The following BCAS3 variants were observed in gnomAD, a reference collection of about 807,000 sequenced individuals.
BCAS3 encodes BCAS4/BCAS3 fusion.
In BCAS3, 53 loss-of-function variants were observed where a neutral mutation model predicts 116.1. That is an observed-to-expected ratio of 0.46 (90% confidence interval 0.37 to 0.57). BCAS3 has a LOEUF of 0.57. Among genes scored for constraint, BCAS3 ranks in the 20% least tolerant of loss-of-function variants. The probability of loss-of-function intolerance (pLI) is 0.00; values close to 1 mark genes in which losing one functional copy is unlikely to be tolerated. For missense variants in BCAS3, 917 were observed against 1,165.4 expected (o/e 0.79, Z 3.10); for synonymous variants, 391 against 408.2 (o/e 0.96, Z 0.51).
At chr17:61,311,928 C>G (rs1388113299) in intron 22 of BCAS3, among the ~76,000 whole-genome samples, 1 of 152,056 alleles carries the variant, frequency 6.6e-6, no homozygotes, top group African/African-American at 2.4e-5. Flanking sequence ...CAGAAAGGAT[C>G]TTGGCACCCT....
chr17:61,002,303 G>A (rs1233073466), intron 15 of BCAS3, among the ~76,000 whole-genome samples: 1 of 152,050 alleles, frequency 6.6e-6, no homozygotes, highest in Non-Finnish European at 1.5e-5. Context: ...GCCAGATGAT[G>A]TAGTTATCCC....
At chr17:60,731,675 T>C (rs1310866906) in intron 5 of BCAS3, among the ~76,000 whole-genome samples, 1 of 152,132 alleles carries the variant, frequency 6.6e-6, no homozygotes, top group Admixed American at 6.6e-5. Flanking sequence ...ACATTTTCTA[T>C]ATATGTTTAA....
chr17:60,763,075 T>C (rs2043701285), intron 6 of BCAS3, among the ~76,000 whole-genome samples: 1 of 152,228 alleles, frequency 6.6e-6, no homozygotes, highest in Non-Finnish European at 1.5e-5. Flanking sequence ...AAGTTGCTTA[T>C]CAGCTTAAGG....
At chr17:61,272,087 G>C (rs2050334918) in intron 22 of BCAS3, among the ~76,000 whole-genome samples, 1 of 152,112 alleles carries the variant, frequency 6.6e-6, no homozygotes, top group Admixed American at 6.5e-5. Context: ...TGGAATTAGA[G>C]ATGTAAGCCA....
At position 61,132,799 on chromosome 17, in the gene BCAS3, G is replaced by T. The variant is rs890350975; in HGVS notation, c.2425+48235G>T. 6.6e-6 allele frequency among the ~76,000 whole-genome samples: 1 copy of T among 152,156 alleles called. No individual in the cohort carries two copies. Among genetic ancestry groups the T allele is most frequent in the Admixed American group, 6.5e-5 (1 of 15,272 alleles). ...CCCCTATCCCCGTCAATGAGAAGAA[G>T]CTCCTTACCAGGTCTGTGTGGGTCA... On this transcript the variant is annotated intron_variant, in intron 22 of 23. Transcript: ENST00000407086. The surrounding 1 kb of genome is among the most constrained non-coding windows in gnomAD (Gnocchi z 5.1).
At chr17:61,066,905 G>C (rs2070685328) in intron 19 of BCAS3, among the ~76,000 whole-genome samples, 1 of 151,906 alleles carries the variant, frequency 6.6e-6, no homozygotes, top group African/African-American at 2.4e-5. Flanking sequence ...AGAAACTTAA[G>C]GATGTCAACT....
intron 22 of BCAS3, among the ~76,000 whole-genome samples, chr17:61,260,053 A>G (rs1206528506): frequency 2.6e-5 from 4 of 152,214 alleles, no homozygotes; most frequent in East Asian, 3.8e-4. Flanking sequence ...CATGTTACAG[A>G]TAAGTACTGG....
At chr17:60,726,491 C>T (rs74207732) in intron 5 of BCAS3, among the ~76,000 whole-genome samples, 7 of 150,914 alleles carry the variant, frequency 4.6e-5, no homozygotes, top group East Asian at 2.0e-4. Context: ...TGAGCCACTG[C>T]GCCCAGCCAG....
chr17:60,966,930 G>A (rs2145330456), intron 14 of BCAS3, among the ~76,000 whole-genome samples: 2 of 152,210 alleles, frequency 1.3e-5, no homozygotes. Flanking sequence ...ACAGATGTGA[G>A]TTACCATGCC....
At chr17:60,974,992 C>CT (rs1568007292) in intron 14 of BCAS3, among the ~76,000 whole-genome samples, 1 of 142,024 alleles carries the variant, frequency 7.0e-6, no homozygotes, top group Non-Finnish European at 1.5e-5. Flanking sequence ...GTTTTTTTTG[C>CT]TTTTTTGTTT....
At chr17:60,843,750 G>A (rs1470829465) in intron 7 of BCAS3, among the ~76,000 whole-genome samples, 1 of 152,128 alleles carries the variant, frequency 6.6e-6, no homozygotes, top group Non-Finnish European at 1.5e-5. Context: ...TATGGACAGT[G>A]TTGCATATCC....
intron 22 of BCAS3, among the ~76,000 whole-genome samples, chr17:61,334,396 G>C (rs1442717952): frequency 6.6e-6 from 1 of 152,110 alleles, no homozygotes; most frequent in Non-Finnish European, 1.5e-5. Context: ...GCCGGGCGCG[G>C]TGGCTCACGC....
rs941582571 is a variant in BCAS3, at chr17:61,087,570, T to C, written c.2425+3006T>C. 7.9e-5 allele frequency: 12 copies of C among 152,266 alleles called. No individual in the cohort carries two copies. The highest frequency in any genetic ancestry group is 7.9e-4 in the Admixed American group (12 of 15,286). The allele number at this position is 152,266 out of a possible 1,614,324, so 9.4% of individuals were successfully genotyped here. ...GTATTAATCCAACAACGTTATTCCATTGAAACTAAAAGAGGTGTGCAGAGT... is the reference window on the plus strand; with the variant it reads ...GTATTAATCCAACAACGTTATTCCACTGAAACTAAAAGAGGTGTGCAGAGT... On this transcript the variant is annotated intron_variant, in intron 22 of 23. Transcript: ENST00000407086. The surrounding 1 kb of genome is among the most constrained non-coding windows in gnomAD (Gnocchi z 4.6).
intron 4 of BCAS3, among the ~76,000 whole-genome samples, chr17:60,703,160 A>C (rs1470174094): frequency 6.6e-6 from 1 of 151,918 alleles, no homozygotes; most frequent in Non-Finnish European, 1.5e-5. Context: ...CTCTAATCCC[A>C]GCTACTTGGG....
chr17:60,689,596 T>C (rs1304288495), intron 3 of BCAS3, 90 bp from the exon 4 acceptor site: 2 of 833,414 alleles, frequency 2.4e-6, no homozygotes, highest in Non-Finnish European at 3.9e-6. Context: ...TGGAGAGGTA[T>C]AGTGTTGGCT....
intron 22 of BCAS3, among the ~76,000 whole-genome samples, chr17:61,260,570 T>C (rs949621741): frequency 1.3e-5 from 2 of 152,210 alleles, no homozygotes; most frequent in Non-Finnish European, 2.9e-5. Context: ...CAAGGAACTC[T>C]GTAATCTTCC....
chr17:60,985,763 G>A (rs1006072800), intron 14 of BCAS3, among the ~76,000 whole-genome samples: 5 of 152,092 alleles, frequency 3.3e-5, no homozygotes, highest in Non-Finnish European at 5.9e-5. Flanking sequence ...TTGAGATGGA[G>A]TTTCGCTCTG....
chr17:60,700,045 G>A (rs2036178153), intron 4 of BCAS3, among the ~76,000 whole-genome samples: 3 of 151,912 alleles, frequency 2.0e-5, no homozygotes, highest in African/African-American at 7.3e-5. Context: ...ATGGTGGCAC[G>A]TCCCTATGGT....
intron 22 of BCAS3, among the ~76,000 whole-genome samples, chr17:61,240,107 ACAGCAG>A (rs59917361): frequency 3.9e-5 from 6 of 151,912 alleles, no homozygotes; most frequent in East Asian, 1.9e-4. Context: ...TGCTGTCTCA[ACAGCAG>A]CAGCAGCAGC....
Sources: allele counts gnomAD v4.1 joint callset (sites outside exome capture counted in the v4.1 genomes callset), GRCh38; gene constraint gnomAD v4.1.1; non-coding constraint Gnocchi (gnomAD v3.1); transcripts MANE v1.5; gene names NCBI Gene and HGNC (gene_info 2026-07-23, HGNC 2026-07-21).